CRYBG1: variants seen among roughly 807,000 people sequenced by gnomAD.
CRYBG1 encodes the protein crystallin beta-gamma domain containing 1.
In CRYBG1, 139 loss-of-function variants were observed where a neutral mutation model predicts 189.2. That is an observed-to-expected ratio of 0.73 (90% CI 0.64 to 0.85). The LOEUF is 0.85. Among genes scored for constraint, CRYBG1 ranks in the 40% least tolerant of loss-of-function variants. The probability of loss-of-function intolerance (pLI) is 0.00; values close to 1 mark genes in which losing one functional copy is unlikely to be tolerated. For missense variants in CRYBG1, 2,611 were observed against 2,675.8 expected, an observed-to-expected ratio of 0.98 and a Z score of 0.53; for synonymous variants, 1,023 against 1,017.1, an observed-to-expected ratio of 1.01 and a Z score of -0.11.
chr6:106,422,336 A>ATTTG (rs1249392678), intron 1 of CRYBG1, among the ~76,000 whole-genome samples: 1 of 100,712 alleles, frequency 9.9e-6, no homozygotes, highest in African/African-American at 3.6e-5. Flanking sequence ...TTATTTATTT[A>ATTTG]TTTATTTATT....
intron 1 of CRYBG1, among the ~76,000 whole-genome samples, chr6:106,436,428 T>A (rs917248625): frequency 3.3e-5 from 5 of 152,042 alleles, no homozygotes; most frequent in East Asian, 1.9e-4. Context: ...CCTCCCGAGT[T>A]GCTGGGACTA....
rs568921783 is a variant in CRYBG1 at position 106,467,824 on chromosome 6, C to T, written c.312+15992C>T. ...GTCCCACTAAGAGTAAACAGTTATA[C>T]ATTTTTGCTGCAGGAATATTGACAT... On this transcript the variant is annotated intron_variant, in intron 2 of 21. Coordinates refer to ENST00000633556, the MANE Select transcript of CRYBG1 (RefSeq NM_001371242.2). Among the ~76,000 whole-genome samples the T allele has an allele frequency of 2.0e-5, 3 of 152,106 alleles. No homozygotes were observed. In the South Asian group the frequency reaches 6.2e-4, roughly 32 times the overall value.
At chr6:106,541,705 C>A (rs1774135212) in intron 10 of CRYBG1, 84 bp downstream of exon 10, 2 of 925,368 alleles carry the variant, frequency 2.2e-6, no homozygotes, top group South Asian at 3.0e-5. Context: ...ATGTTATTCC[C>A]ACTCCATCTC....
chr6:106,367,503 C>T (rs1418509042), intron 1 of CRYBG1, among the ~76,000 whole-genome samples: 1 of 146,008 alleles, frequency 6.8e-6, no homozygotes, highest in East Asian at 2.1e-4. Context: ...AGGAGAATCA[C>T]TTGAACCAGG....
intron 2 of CRYBG1, among the ~76,000 whole-genome samples, chr6:106,498,306 T>C (rs981823697): frequency 2.0e-5 from 3 of 152,178 alleles, no homozygotes; most frequent in Admixed American, 1.3e-4. Context: ...TTACTAGACA[T>C]AATTCAAGAA....
chr6:106,394,010 C>T (rs1770558493), intron 1 of CRYBG1, among the ~76,000 whole-genome samples: 1 of 152,132 alleles, frequency 6.6e-6, no homozygotes, highest in African/African-American at 2.4e-5. Context: ...CTTTAGACTA[C>T]TGAGCAATAG....
chr6:106,384,097 G>T (rs1213461539), intron 1 of CRYBG1, among the ~76,000 whole-genome samples: 1 of 152,218 alleles, frequency 6.6e-6, no homozygotes, highest in Non-Finnish European at 1.5e-5. Flanking sequence ...GGAGCAGCTT[G>T]CAGAGCACTT....
At position 106,513,003 on chromosome 6, in the gene CRYBG1, G is replaced by A; in HGVS notation, c.1886G>A (p.Gly629Asp). 1.9e-6 allele frequency: 3 copies of A among 1,608,192 alleles called. No individual in the cohort carries two copies. The highest frequency in any genetic ancestry group is 2.5e-6 in the Non-Finnish European group (3 of 1,179,778). The change falls in exon 3 of 22, where the codon GGC (glycine) becomes GAC (aspartate). Residue 629 changes from glycine (G) to aspartate (D), a missense_variant. This residue lies in a region of CRYBG1 where 985 missense variants were observed against 924.4 expected (regional missense o/e 1.07). Coordinates refer to ENST00000633556, the MANE Select transcript of CRYBG1 (RefSeq NM_001371242.2). ...ADGLKPRNHF[G>D]VGRSTVTTKV... ...GGCTTGAAGCCCAGGAACCATTTCGGCGTGGGCAGGTCGACAGTGACCACT... is the reference window on the plus strand; with the variant it reads ...GGCTTGAAGCCCAGGAACCATTTCGACGTGGGCAGGTCGACAGTGACCACT...
intron 1 of CRYBG1, among the ~76,000 whole-genome samples, chr6:106,448,531 A>G (rs1771714038): frequency 6.6e-6 from 1 of 152,126 alleles, no homozygotes; most frequent in Admixed American, 6.6e-5. Flanking sequence ...TTTATCCCCC[A>G]AATCAGGAGA....
intron 1 of CRYBG1, among the ~76,000 whole-genome samples, chr6:106,450,070 CA>C (rs5878891): frequency 0.84 from 127,144 of 151,654 alleles, 53,323 homozygotes; most frequent in East Asian, 0.93. Context: ...AATAAAAATA[CA>C]AAAAAATTAG....
chr6:106,458,881 C>G (rs762100678), intron 2 of CRYBG1, among the ~76,000 whole-genome samples: 10 of 152,188 alleles, frequency 6.6e-5, no homozygotes, highest in Non-Finnish European at 1.5e-4. Flanking sequence ...CCTGATATTA[C>G]TGAGTGCAGC....
chr6:106,475,501 T>C (rs574586789), intron 2 of CRYBG1, among the ~76,000 whole-genome samples: 40 of 152,194 alleles, frequency 2.6e-4, no homozygotes, highest in Non-Finnish European at 5.1e-4. Context: ...TGAGGTGATA[T>C]TTGGGAAGGA....
chr6:106,431,111 C>T (rs551601450), intron 1 of CRYBG1, among the ~76,000 whole-genome samples: 1 of 152,296 alleles, frequency 6.6e-6, no homozygotes, highest in East Asian at 1.9e-4. Context: ...ATCCACCCGC[C>T]TCAGCCTCCC....
At chr6:106,554,470 C>T (rs759800965) in intron 16 of CRYBG1, among the ~76,000 whole-genome samples, 2 of 152,040 alleles carry the variant, frequency 1.3e-5, no homozygotes, top group Non-Finnish European at 1.5e-5. Context: ...AAAAATTAGC[C>T]GGGCATGGTG....
Position 106,558,581 on chromosome 6 carries a change from G to A in CRYBG1, c.5811G>A (p.Leu1937=). ...LNAETVNLRS[L]GFNTQIRSVQ... ...CAGAAACTGTCAATCTCCGATCCCT[G>A]GGATTCAACACACAAATACGCTCTG... Residue 1937 remains leucine, a synonymous_variant, in exon 18 of 22, where the codon CTG becomes CTA. Coordinates refer to ENST00000633556, the MANE Select transcript of CRYBG1 (RefSeq NM_001371242.2). 6.2e-7 allele frequency: 1 copy of A among 1,613,608 alleles called. No homozygotes were observed. The highest frequency in any genetic ancestry group is 8.5e-7 in the Non-Finnish European group (1 of 1,179,738).
At chr6:106,496,305 A>G (rs11152997) in intron 2 of CRYBG1, among the ~76,000 whole-genome samples, 103,769 of 152,174 alleles carry the variant, frequency 0.68, 36,063 homozygotes, top group African/African-American at 0.82. Flanking sequence ...CCCCGATTAA[A>G]TGTTGGGCGT....
At chr6:106,490,669 C>T (rs1184905871) in intron 2 of CRYBG1, among the ~76,000 whole-genome samples, 2 of 152,102 alleles carry the variant, frequency 1.3e-5, no homozygotes, top group African/African-American at 4.8e-5. Flanking sequence ...TGCATTTAGC[C>T]CCACCTCTGT....
chr6:106,528,406 T>C (rs765992660), intron 7 of CRYBG1, among the ~76,000 whole-genome samples: 1 of 152,240 alleles, frequency 6.6e-6, no homozygotes, highest in Non-Finnish European at 1.5e-5. Context: ...AAAGATCATC[T>C]GATTCCCACC....
Position 106,520,080 on chromosome 6 carries a change from A to G in CRYBG1, c.2872A>G (p.Arg958Gly), listed in dbSNP as rs141797421. 3.7e-6 allele frequency: 6 copies of G among 1,614,212 alleles called. No homozygotes were observed. Among genetic ancestry groups the G allele is most frequent in the Non-Finnish European group, 5.1e-6 (6 of 1,180,050 alleles). Residue 958 changes from arginine to glycine, a missense_variant, in exon 4 of 22, where the codon AGG (arginine) becomes GGG (glycine). Transcript: ENST00000633556. ...TCCATCCAGAGTCCTCGTCCAGGTC[A>G]GGTCCTTCGTGCTCCCCGTGGAGAG... Reference protein sequence around the residue: ...ECPSRVLVQVRSFVLPVESTQ... With the variant: ...ECPSRVLVQVGSFVLPVESTQ...
Sources: gnomAD v4.1 joint callset for allele counts (sites outside exome capture counted in the v4.1 genomes callset) on GRCh38, gnomAD v4.1.1 for gene constraint, gnomAD v4.1.1 regional missense constraint, MANE v1.5 for transcripts, NCBI Gene and HGNC (gene_info 2026-07-23, HGNC 2026-07-21) for gene names.